ZNF827: variants seen among roughly 807,000 people sequenced by gnomAD.
ZNF827 encodes the protein zinc finger protein 827.
A neutral mutation model predicts 102.4 loss-of-function variants in ZNF827; 13 were observed. That is an observed-to-expected ratio of 0.13 (90% confidence interval 0.08 to 0.20). The LOEUF is 0.20. Ranked by LOEUF, ZNF827 falls within the 10% of genes least tolerant of loss-of-function variation. The probability of loss-of-function intolerance (pLI) is 1.00; values close to 1 mark genes in which losing one functional copy is unlikely to be tolerated. For synonymous variants in ZNF827, 523 were observed against 536.2 expected (o/e 0.98, Z 0.34); for missense variants, 1,103 against 1,344.4 (o/e 0.82, Z 2.81).
At chr4:145,816,421 A>C (rs1391351565) in intron 8 of ZNF827, among the ~76,000 whole-genome samples, 1 of 152,230 alleles carries the variant, frequency 6.6e-6, no homozygotes, top group African/African-American at 2.4e-5. Context: ...TACCACCCTT[A>C]AAAAAGTATG....
In ZNF827 at chr4:145,878,340, G is replaced by A. The variant is rs375307617; in HGVS notation, c.1747+7338C>T. Among the ~76,000 whole-genome samples the A allele has an allele frequency of 1.2e-4, 18 of 152,276 alleles. No homozygotes were observed. In the East Asian group the frequency reaches 2.9e-3, roughly 24 times the overall value. The stretch of plus-strand genomic sequence containing the variant: ...AGTAAAGGTAGAAAAATGGAAATGA[G>A]AGGGGTATGTTCATGAGCTGGTGAA... On this transcript the variant is annotated intron_variant, in intron 4 of 14. Coordinates refer to ENST00000508784, the MANE Select transcript of ZNF827 (RefSeq NM_001306215.2).
At chr4:145,925,290 T>A (rs1463152785) in intron 1 of ZNF827, among the ~76,000 whole-genome samples, 1 of 152,206 alleles carries the variant, frequency 6.6e-6, no homozygotes, top group Admixed American at 6.5e-5. Flanking sequence ...TAATGACATT[T>A]CTTCTTCTTG....
At position 145,779,421 on chromosome 4, in the gene ZNF827, A is replaced by G. The variant is rs1560911637; in HGVS notation, c.2474T>C (p.Val825Ala). 6.2e-7 allele frequency: 1 copy of G among 1,614,096 alleles called. No individual in the cohort carries two copies. The highest frequency in any genetic ancestry group is 1.1e-5 in the South Asian group (1 of 91,078). ...QLFPCDVCGKVFGRQQTLSRH... is the reference protein window; with the variant it reads ...QLFPCDVCGKAFGRQQTLSRH... ...GGACAATGTCTGCTGTCGGCCAAACACTTTCCCACACACGTCACAGGGAAA... is the reference window on the plus strand; with the variant it reads ...GGACAATGTCTGCTGTCGGCCAAACGCTTTCCCACACACGTCACAGGGAAA... The change falls in exon 9 of 15, where the codon GTG (valine) becomes GCG (alanine). Residue 825 changes from valine to alanine, a missense_variant. Physicochemically the swap from Val to Ala is moderately conservative, Grantham distance 64. This residue lies in a region of ZNF827 where 242 missense variants were observed against 361.9 expected (regional missense o/e 0.67). Transcript: ENST00000508784.
chr4:145,780,963 G>A (rs993742943), intron 8 of ZNF827, among the ~76,000 whole-genome samples: 4 of 152,166 alleles, frequency 2.6e-5, no homozygotes, highest in Admixed American at 6.5e-5. Context: ...TCGGGAGGCC[G>A]AGGCAGGGGG....
chr4:145,813,841 A>C (rs999243326), intron 8 of ZNF827, among the ~76,000 whole-genome samples: 2 of 152,218 alleles, frequency 1.3e-5, no homozygotes, highest in Non-Finnish European at 2.9e-5. Context: ...GCCAGAGGCC[A>C]CTGTAATCCA....
intron 5 of ZNF827, among the ~76,000 whole-genome samples, chr4:145,853,142 G>A (rs912813869): frequency 1.3e-5 from 2 of 152,150 alleles, no homozygotes; most frequent in Non-Finnish European, 2.9e-5. Flanking sequence ...GGTATCAATC[G>A]CCACCTCAGC....
At chr4:145,805,823 T>G (rs1741373770) in intron 8 of ZNF827, among the ~76,000 whole-genome samples, 1 of 152,096 alleles carries the variant, frequency 6.6e-6, no homozygotes, top group Non-Finnish European at 1.5e-5. Context: ...AGGGCCTTGT[T>G]GCTCCCTTTA....
chr4:145,812,670 G>T (rs1000632556), intron 8 of ZNF827, among the ~76,000 whole-genome samples: 1 of 152,108 alleles, frequency 6.6e-6, no homozygotes, highest in Non-Finnish European at 1.5e-5. Context: ...TGGGACTACA[G>T]GCGCACGCCA....
chr4:145,872,767 C>A (rs113007697), intron 4 of ZNF827, among the ~76,000 whole-genome samples: 1 of 151,004 alleles, frequency 6.6e-6, no homozygotes, highest in Non-Finnish European at 1.5e-5. Flanking sequence ...CCCAGCTACT[C>A]GGGAGACTGA....
At chr4:145,819,963 A>C (rs1742984237) in intron 8 of ZNF827, 1 of 152,194 alleles carries the variant, frequency 6.6e-6, no homozygotes, top group Non-Finnish European at 1.5e-5. Flanking sequence ...GGCAGCTGTG[A>C]GTTTCAGATG....
At chr4:145,852,600 T>C (rs1746641149) in intron 5 of ZNF827, among the ~76,000 whole-genome samples, 1 of 152,192 alleles carries the variant, frequency 6.6e-6, no homozygotes, top group Non-Finnish European at 1.5e-5. Flanking sequence ...TTTTTGGCTT[T>C]TCTTTTCAAG....
chr4:145,784,475 TC>T (rs1738557880), intron 8 of ZNF827, among the ~76,000 whole-genome samples: 1 of 152,156 alleles, frequency 6.6e-6, no homozygotes, highest in Non-Finnish European at 1.5e-5. Context: ...AAATCCCCCA[TC>T]CTGTGAAGAA....
intron 4 of ZNF827, among the ~76,000 whole-genome samples, chr4:145,879,217 C>T (rs1057374209): frequency 2.0e-5 from 3 of 152,174 alleles, no homozygotes; most frequent in Admixed American, 6.5e-5. Context: ...GCAGCCGAAA[C>T]CTTTAAGTCT....
chr4:145,899,642 T>C (rs1490739609), intron 2 of ZNF827, among the ~76,000 whole-genome samples: 1 of 152,170 alleles, frequency 6.6e-6, no homozygotes, highest in Non-Finnish European at 1.5e-5. Context: ...CGGGTAACAA[T>C]TTCAAGGACC....
chr4:145,832,806 G>A (rs114822996), intron 7 of ZNF827: 2,331 of 152,604 alleles, frequency 0.015, 32 homozygotes, highest in Non-Finnish European at 0.024. Flanking sequence ...CCTTGTGTGC[G>A]ACCCCCACTC....
At chr4:145,839,752 C>T (rs1745231758) in intron 7 of ZNF827, among the ~76,000 whole-genome samples, 1 of 152,178 alleles carries the variant, frequency 6.6e-6, no homozygotes, top group Non-Finnish European at 1.5e-5. Context: ...CTCTGGATGT[C>T]CACTGACAGA....
At chr4:145,850,498 T>C (rs1413887202) in intron 5 of ZNF827, among the ~76,000 whole-genome samples, 3 of 152,222 alleles carry the variant, frequency 2.0e-5, no homozygotes, top group African/African-American at 7.2e-5. Flanking sequence ...TTACAAGTTA[T>C]AATAATGGTA....
chr4:145,859,035 G>A (rs1025236731), intron 5 of ZNF827, among the ~76,000 whole-genome samples: 10 of 152,164 alleles, frequency 6.6e-5, no homozygotes, highest in African/African-American at 2.2e-4. Context: ...TCTGTTGCAA[G>A]GATATCGCTG....
Position 145,837,238 on chromosome 4 carries a change from G to A in ZNF827, c.2279+8718C>T, listed in dbSNP as rs576844601. Among the ~76,000 whole-genome samples the A allele has an allele frequency of 3.1e-4, 47 of 151,778 alleles. No individual in the cohort carries two copies. In the South Asian group the frequency reaches 6.8e-3, roughly 22 times the overall value. On this transcript the variant is annotated intron_variant, in intron 7 of 14. Coordinates refer to ENST00000508784, the MANE Select transcript of ZNF827 (RefSeq NM_001306215.2). ...ACCTTTATATCCCTTATGGTCCTCC[G>A]TCTTCAAGAAAAGTAGAATGGACTA...
Sources: gnomAD v4.1 joint callset for allele counts (sites outside exome capture counted in the v4.1 genomes callset) on GRCh38, gnomAD v4.1.1 for gene constraint, gnomAD v4.1.1 regional missense constraint, MANE v1.5 for transcripts, NCBI Gene and HGNC (gene_info 2026-07-23, HGNC 2026-07-21) for gene names.